ADISSP: variants seen among roughly 807,000 people sequenced by gnomAD.
ADISSP encodes the protein adipose secreted signaling protein.
chr20:3,763,739 C>G, the ADISSP span, among the ~76,000 whole-genome samples: 3 of 152,132 alleles, frequency 2.0e-5, no homozygotes, highest in Non-Finnish European at 4.4e-5. Context: ...AGTCCAGGGA[C>G]AGAAGAGGAA....
the ADISSP span, chr20:3,753,938 C>T: frequency 1.6e-5 from 12 of 741,632 alleles, no homozygotes; most frequent in African/African-American, 1.4e-4. Context: ...GTGGGCAAGG[C>T]CACTCCACCC....
chr20:3,760,736 C>G, the ADISSP span, among the ~76,000 whole-genome samples: 1 of 152,176 alleles, frequency 6.6e-6, no homozygotes, highest in Non-Finnish European at 1.5e-5. Context: ...AAAACAGATG[C>G]CTGTGGAGGG....
the ADISSP span, among the ~76,000 whole-genome samples, chr20:3,764,432 C>T: frequency 1.3e-5 from 2 of 152,290 alleles, no homozygotes; most frequent in Non-Finnish European, 1.5e-5. Flanking sequence ...ACTGCCTGAC[C>T]GTCCCCCCGC....
At chr20:3,762,942 G>A in the ADISSP span, among the ~76,000 whole-genome samples, 1 of 152,054 alleles carries the variant, frequency 6.6e-6, no homozygotes, top group Non-Finnish European at 1.5e-5. Flanking sequence ...AGGGTGTTTC[G>A]AACTACCTAT....
the ADISSP span, chr20:3,753,748 C>T: frequency 4.5e-6 from 2 of 444,044 alleles, no homozygotes; most frequent in Non-Finnish European, 4.2e-6. Context: ...GTCCCTGTGG[C>T]TTGGGGTGGG....
the ADISSP span, chr20:3,760,130 C>T: frequency 1.9e-6 from 3 of 1,560,558 alleles, no homozygotes; most frequent in Middle Eastern, 1.7e-4. Context: ...CAGCTCCTGC[C>T]AGACACCGCC....
At chr20:3,755,578 A>G in the ADISSP span, 13 of 1,578,752 alleles carry the variant, frequency 8.2e-6, 1 homozygote, top group East Asian at 1.8e-4. Context: ...AGGTAATCTC[A>G]TACCTGTGCA....
the ADISSP span, chr20:3,754,626 GC>G: frequency 5.1e-5 from 60 of 1,179,838 alleles, no homozygotes; most frequent in Non-Finnish European, 7.4e-5. Flanking sequence ...TGCATGCTAA[GC>G]CCCCCCAAGA....
At chr20:3,758,161 C>T in the ADISSP span, among the ~76,000 whole-genome samples, 1 of 152,240 alleles carries the variant, frequency 6.6e-6, no homozygotes, top group Non-Finnish European at 1.5e-5. This position sits in a 1 kb window ranked among gnomAD's most constrained non-coding sequence, Gnocchi z 5.5. Context: ...CACACCAACT[C>T]TAGGGGATGT....
chr20:3,759,815 G>A, the ADISSP span, among the ~76,000 whole-genome samples: 1 of 152,148 alleles, frequency 6.6e-6, no homozygotes, highest in African/African-American at 2.4e-5. This position sits in a 1 kb window ranked among gnomAD's most constrained non-coding sequence, Gnocchi z 4.6. Context: ...ACAGTGGAAC[G>A]GCAGGGACAC....
chr20:3,768,349 G>T, the ADISSP span: 54 of 152,562 alleles, frequency 3.5e-4, 1 homozygote, highest in Non-Finnish European at 5.1e-4. Flanking sequence ...CCCGAGACGC[G>T]TCCCGGGTGC....
At chr20:3,757,714 A>C in the ADISSP span, among the ~76,000 whole-genome samples, 77 of 152,200 alleles carry the variant, frequency 5.1e-4, no homozygotes, top group Admixed American at 2.9e-3. Flanking sequence ...CTGCAACCTC[A>C]GCCTCCTGGG....
At chr20:3,756,769 G>C in the ADISSP span, among the ~76,000 whole-genome samples, 1 of 152,074 alleles carries the variant, frequency 6.6e-6, no homozygotes, top group African/African-American at 2.4e-5. Flanking sequence ...AATACTCTTC[G>C]CTGCCCTATT....
chr20:3,754,028 AGG>A, the ADISSP span: 1 of 1,543,820 alleles, frequency 6.5e-7, no homozygotes, highest in Non-Finnish European at 8.9e-7. Context: ...TTTAAGGCTG[AGG>A]GGCCCGGGGC....
the ADISSP span, among the ~76,000 whole-genome samples, chr20:3,761,066 A>T: frequency 6.6e-6 from 1 of 152,232 alleles, no homozygotes; most frequent in African/African-American, 2.4e-5. Flanking sequence ...CTGAAAGCTG[A>T]GGATTAAAGA....
chr20:3,753,868 G>A, the ADISSP span: 3 of 607,002 alleles, frequency 4.9e-6, no homozygotes, highest in Admixed American at 2.8e-5. Context: ...AGGAGGAAGT[G>A]GGAGAGGAGG....
the ADISSP span, among the ~76,000 whole-genome samples, chr20:3,760,781 C>A: frequency 6.6e-6 from 1 of 152,172 alleles, no homozygotes; most frequent in Non-Finnish European, 1.5e-5. Context: ...TCAGACCCTG[C>A]CCTGAGTCTC....
At chr20:3,758,759 G>C in the ADISSP span, 1 of 1,299,698 alleles carries the variant, frequency 7.7e-7, no homozygotes, top group Non-Finnish European at 1.1e-6. This position sits in a 1 kb window ranked among gnomAD's most constrained non-coding sequence, Gnocchi z 5.5. Flanking sequence ...TCACCCCCAA[G>C]ACTGCCCTTG....
chr20:3,755,939 G>A, the ADISSP span, among the ~76,000 whole-genome samples: 21 of 152,306 alleles, frequency 1.4e-4, no homozygotes, highest in African/African-American at 5.1e-4. Flanking sequence ...TGTGGCCAGG[G>A]TCAAGTCCTC....
Sources: gnomAD v4.1 joint callset for allele counts (sites outside exome capture counted in the v4.1 genomes callset) on GRCh38, gnomAD v4.1.1 for gene constraint, Gnocchi (gnomAD v3.1) non-coding constraint, MANE v1.5 for transcripts, NCBI Gene and HGNC (gene_info 2026-07-23, HGNC 2026-07-21) for gene names.